Variants in NBEA observed in about 807,000 individuals in gnomAD.
NBEA encodes the protein lysosomal-trafficking regulator 2.
A neutral mutation model predicts 343.4 loss-of-function variants in NBEA; 44 were observed. The observed-to-expected ratio is 0.13, with a 90% confidence interval of 0.10 to 0.16. The LOEUF is 0.16. NBEA is among the 10% of genes least tolerant of loss of function. The pLI is 1.00. For missense variants in NBEA, 2,555 were observed against 3,631.3 expected (o/e 0.70, Z 7.62); for synonymous variants, 1,175 against 1,238.7 (o/e 0.95, Z 1.08).
intron 38 of NBEA, among the ~76,000 whole-genome samples, chr13:35,363,024 A>G (rs933540295): frequency 6.6e-6 from 1 of 151,744 alleles, no homozygotes; most frequent in African/African-American, 2.4e-5. Context: ...TCCTGGTCCC[A>G]CTCCTGTTTC....
At chr13:35,096,263 C>G (rs1358302412) in intron 10 of NBEA, among the ~76,000 whole-genome samples, 1 of 147,798 alleles carries the variant, frequency 6.8e-6, no homozygotes, top group Non-Finnish European at 1.5e-5. Context: ...TAAATTAAAA[C>G]GACTTTTGTT....
At chr13:35,118,715 A>G (rs1337326575) in intron 16 of NBEA, among the ~76,000 whole-genome samples, 6 of 152,154 alleles carry the variant, frequency 3.9e-5, no homozygotes, top group Admixed American at 3.9e-4. Context: ...GACATTACAA[A>G]TTGTGAATAG....
At chr13:35,009,178 G>T (rs921489721) in intron 1 of NBEA, among the ~76,000 whole-genome samples, 1 of 152,172 alleles carries the variant, frequency 6.6e-6, no homozygotes, top group African/African-American at 2.4e-5. Flanking sequence ...TTTATTGAAT[G>T]GAAAATATGT....
chr13:35,118,550 A>C (rs1035774175), intron 16 of NBEA, 76 bp downstream of exon 16: 1 of 1,088,340 alleles, frequency 9.2e-7, no homozygotes, highest in Non-Finnish European at 1.3e-6. Context: ...CTGCTATTCT[A>C]TGAATATTTG....
rs1369868897 is a variant in NBEA at position 35,472,249 on chromosome 13, C to T, written c.6449-151C>T. On this transcript the variant is annotated intron_variant, in intron 40 of 58. Coordinates refer to ENST00000379939, the MANE Select transcript of NBEA (RefSeq NM_001385012.1). ...GGTAATGTATAAAAGCTAAGTAGTC[C>T]TTATCTTACGTGAAAAAAGAGTTTG... The T allele has an allele frequency of 4.0e-6, 3 of 749,748 alleles. No individual in the cohort carries two copies. The African/African-American group carries it at 5.3e-5, about 13-fold the overall frequency. 46.4% of individuals were successfully genotyped at this position (749,748 alleles called of 1,614,324 possible).
chr13:35,236,102 G>A (rs1245427401), intron 34 of NBEA, among the ~76,000 whole-genome samples: 5 of 152,114 alleles, frequency 3.3e-5, no homozygotes, highest in Non-Finnish European at 7.4e-5. Flanking sequence ...GACAGCAAAT[G>A]GTAGATTTTT....
At chr13:35,355,049 A>T (rs1422815190) in intron 38 of NBEA, among the ~76,000 whole-genome samples, 2 of 152,064 alleles carry the variant, frequency 1.3e-5, no homozygotes, top group Admixed American at 1.3e-4. Flanking sequence ...TCTGTCCTTG[A>T]CTACTGTTTA....
intron 6 of NBEA, among the ~76,000 whole-genome samples, chr13:35,054,819 T>G (rs1238132157): frequency 6.6e-6 from 1 of 151,966 alleles, no homozygotes; most frequent in Non-Finnish European, 1.5e-5. Flanking sequence ...AATTTTTGTA[T>G]TTTTAGTAGA....
chr13:35,528,918 G>T (rs933515666), intron 41 of NBEA, among the ~76,000 whole-genome samples: 1 of 152,148 alleles, frequency 6.6e-6, no homozygotes, highest in African/African-American at 2.4e-5. Context: ...TCTTCATACA[G>T]TAGATGCAGT....
intron 34 of NBEA, among the ~76,000 whole-genome samples, chr13:35,273,209 C>T (rs1171059446): frequency 3.3e-5 from 5 of 152,192 alleles, no homozygotes; most frequent in Admixed American, 3.3e-4. Context: ...TCACTCAAAA[C>T]CACACGACTA....
intron 6 of NBEA, among the ~76,000 whole-genome samples, chr13:35,054,643 C>CTTT (rs1186551019): frequency 2.2e-4 from 26 of 117,454 alleles, no homozygotes; most frequent in East Asian, 4.9e-4. Context: ...GTTTTCTTTT[C>CTTT]TTTTTTTTTT....
At chr13:35,621,895 A>T (rs1393548227) in intron 48 of NBEA, among the ~76,000 whole-genome samples, 2 of 152,246 alleles carry the variant, frequency 1.3e-5, no homozygotes, top group East Asian at 3.8e-4. Context: ...AGGATATAGT[A>T]TTAACTTTGG....
intron 38 of NBEA, among the ~76,000 whole-genome samples, chr13:35,361,934 A>G (rs2251781): frequency 0.29 from 44,267 of 151,830 alleles, 8,305 homozygotes; most frequent in African/African-American, 0.54. Context: ...AGAGCTTTTC[A>G]GGATGATGGA....
chr13:35,470,142 A>T (rs967799107), intron 40 of NBEA, among the ~76,000 whole-genome samples: 22 of 152,202 alleles, frequency 1.4e-4, no homozygotes, highest in African/African-American at 5.3e-4. Flanking sequence ...ATTAATGCTG[A>T]ATATTTCATG....
chr13:35,036,375 T>A (rs1016229819), intron 1 of NBEA, among the ~76,000 whole-genome samples: 1 of 152,088 alleles, frequency 6.6e-6, no homozygotes, highest in African/African-American at 2.4e-5. Flanking sequence ...GTAGTTGTAG[T>A]TATTATTTTT....
At chr13:35,442,569 A>G (rs1447807487) in intron 39 of NBEA, among the ~76,000 whole-genome samples, 1 of 152,132 alleles carries the variant, frequency 6.6e-6, no homozygotes, top group Admixed American at 6.6e-5. Flanking sequence ...TATTAAGTTA[A>G]CATTTCATAC....
At chr13:35,276,861 G>GT (rs1450704203) in intron 34 of NBEA, among the ~76,000 whole-genome samples, 4 of 152,020 alleles carry the variant, frequency 2.6e-5, no homozygotes, top group Admixed American at 6.6e-5. Flanking sequence ...CAAAGTCCAC[G>GT]TTTTTTTAAT....
At chr13:35,225,089 GTTCTC>G (rs771239276) in intron 33 of NBEA, among the ~76,000 whole-genome samples, 9 of 152,090 alleles carry the variant, frequency 5.9e-5, no homozygotes, top group Non-Finnish European at 1.3e-4. Flanking sequence ...ATTCAGAGAG[GTTCTC>G]TACACTATGT....
intron 38 of NBEA, among the ~76,000 whole-genome samples, chr13:35,422,113 CTTCG>C (rs75575026): frequency 0.25 from 33,061 of 132,840 alleles, 3,897 homozygotes; most frequent in South Asian, 0.35. Flanking sequence ...TTTTTAGATT[CTTCG>C]TTCTTTCACA....
Sources: gnomAD v4.1 joint callset for allele counts (sites outside exome capture counted in the v4.1 genomes callset) on GRCh38, gnomAD v4.1.1 for gene constraint, MANE v1.5 for transcripts, NCBI Gene and HGNC (gene_info 2026-07-23, HGNC 2026-07-21) for gene names.